Variants in CLN3 observed in about 807,000 individuals in gnomAD.
CLN3 encodes battenin.
Under a neutral mutation model 60.7 loss-of-function variants are expected in CLN3, and 49 were observed. The observed-to-expected ratio is 0.81, with a 90% CI of 0.64 to 1.02. The LOEUF (loss-of-function observed/expected upper bound fraction) is 1.02, where lower values mean the gene tolerates loss of function less well. Among genes scored for constraint, CLN3 ranks in the 50% least tolerant of loss-of-function variants. CLN3 has a pLI of 0.00. For missense variants in CLN3, 516 were observed against 557.4 expected (o/e 0.93, Z 0.75); for synonymous variants, 256 against 245.8 (o/e 1.04, Z -0.39).
chr16:28,484,499 C>T (rs2046170841), intron 9 of CLN3: 2 of 248,698 alleles, frequency 8.0e-6, no homozygotes, highest in Admixed American at 1.0e-4. Context: ...CAGGCACGTG[C>T]CACCAAGCCC....
intron 12 of CLN3, 34 bp from the exon 13 acceptor site, chr16:28,482,416 G>A: frequency 2.5e-6 from 4 of 1,613,742 alleles, no homozygotes; most frequent in Non-Finnish European, 2.5e-6. Context: ...AGATGGACGG[G>A]GCTGTGTGGG....
Position 28,488,647 on chromosome 16 carries a change from T to A in CLN3, c.238A>T (p.Thr80Ser), listed in dbSNP as rs150348015. ...GATGAGCTGTTGTGGGGGATCGGCG[T>A]TGGGCCTGGGTCCACCTAATGGGAG... is the stretch of plus-strand genomic sequence containing the variant. Reference protein sequence around the residue: ...GNQSHVDPGPTPIPHNSSSRF... With the variant: ...GNQSHVDPGPSPIPHNSSSRF... The change falls in exon 5 of 16, where the codon ACG (threonine) becomes TCG (serine). Residue 80 changes from threonine (T) to serine (S), a missense_variant. Transcript: ENST00000636147. The A allele has an allele frequency of 1.3e-4, 215 of 1,614,140 alleles. No homozygotes were observed. The African/African-American group carries it at 2.5e-3, about 19-fold the overall frequency.
rs532377265 is a variant in CLN3 at position 28,491,701 on chromosome 16, C to A, written c.46+13G>T. 3.7e-6 allele frequency: 6 copies of A among 1,613,930 alleles called. No individual in the cohort carries two copies. In the South Asian group the frequency reaches 6.6e-5, roughly 18 times the overall value. ...GAGGTGGTCGTTCCATGAGGGTGGG[C>A]GGGAATACTCACCCTCGGAATCCGA... On this transcript the variant is annotated intron_variant, in intron 2 of 15. Transcript: ENST00000636147.
At chr16:28,471,738 CA>C (rs1329248043), downstream of CLN3, among the ~76,000 whole-genome samples, 2 of 136,378 alleles carry the variant, frequency 1.5e-5, no homozygotes. Flanking sequence ...CCCACCTAGA[CA>C]ATTTAACATC....
chr16:28,488,139 C>G (rs922198300), intron 5 of CLN3: 6 of 206,424 alleles, frequency 2.9e-5, no homozygotes, highest in Non-Finnish European at 6.0e-5. Flanking sequence ...CTCCTGGGTT[C>G]AAGTGATTCT....
At chr16:28,473,593 C>A (rs1056706296), downstream of CLN3, among the ~76,000 whole-genome samples, 4 of 152,084 alleles carry the variant, frequency 2.6e-5, no homozygotes, top group African/African-American at 9.7e-5. Flanking sequence ...TGGACTTCAT[C>A]AAAATAAGTG....
At chr16:28,488,543 A>G (rs778887537) in intron 5 of CLN3, 48 bp downstream of exon 5, 10 of 1,569,570 alleles carry the variant, frequency 6.4e-6, no homozygotes, top group Admixed American at 1.7e-5. Context: ...GGGTCTATAG[A>G]CCCAGGGGCC....
At chr16:28,487,615 C>G in intron 6 of CLN3, 47 bp downstream of exon 6, 1 of 1,601,382 alleles carries the variant, frequency 6.2e-7, no homozygotes, top group South Asian at 1.1e-5. Context: ...CCAGCCTCCC[C>G]TTTCTCAGCT....
intron 11 of CLN3, 29 bp from the exon 12 acceptor site, chr16:28,482,574 G>A: frequency 6.2e-7 from 1 of 1,614,064 alleles, no homozygotes; most frequent in South Asian, 1.1e-5. Flanking sequence ...ATAAGCGGGG[G>A]GCCTGGAGGT....
At chr16:28,489,410 A>C in intron 3 of CLN3, 24 bp from the exon 4 acceptor site, 24 of 1,535,170 alleles carry the variant, frequency 1.6e-5, no homozygotes, top group Non-Finnish European at 2.0e-5. Flanking sequence ...GACAGGTCTC[A>C]ACTCCCTCCT....
intron 4 of CLN3, among the ~76,000 whole-genome samples, 169 bp downstream of exon 4, chr16:28,489,121 C>T (rs892408486): frequency 2.6e-5 from 4 of 152,096 alleles, no homozygotes; most frequent in Non-Finnish European, 5.9e-5. Flanking sequence ...AGGCTGGTCT[C>T]GAACTCCTGA....
chr16:28,489,988 C>T (rs900123486), intron 3 of CLN3, among the ~76,000 whole-genome samples: 1 of 147,568 alleles, frequency 6.8e-6, no homozygotes, highest in Non-Finnish European at 1.5e-5. Flanking sequence ...ACCCGAAAGG[C>T]GGAGGTTGCA....
At chr16:28,478,617 T>TAAAAAAAAAAAAAAAAAA (rs766238150) in intron 14 of CLN3, among the ~76,000 whole-genome samples, 9 of 74,352 alleles carry the variant, frequency 1.2e-4, no homozygotes, top group African/African-American at 6.9e-4. Flanking sequence ...TCCTGTCTCA[T>TAAAAAAAAAAAAAAAAAA]AAAAAAAAAA....
At chr16:28,490,792 G>A (rs2046302427) in intron 3 of CLN3, among the ~76,000 whole-genome samples, 2 of 149,538 alleles carry the variant, frequency 1.3e-5, no homozygotes, top group Admixed American at 6.7e-5. Flanking sequence ...GTTCAGGCCC[G>A]GCATGGTGGC....
At chr16:28,489,905 A>G (rs551754287) in intron 3 of CLN3, among the ~76,000 whole-genome samples, 1 of 152,150 alleles carries the variant, frequency 6.6e-6, no homozygotes, top group Non-Finnish European at 1.5e-5. Context: ...AAAAAATACA[A>G]AATTAGCTGG....
chr16:28,482,214 G>A lies in CLN3; in HGVS notation c.963-16C>T, dbSNP rs200023908. On this transcript the variant is annotated splice_polypyrimidine_tract_variant and intron_variant, in intron 13 of 15. Coordinates refer to ENST00000636147, the MANE Select transcript of CLN3 (RefSeq NM_001042432.2). ...CATCTGGTACCTGAGGTTAGGGTTGGGGGGAGGAGAGGAGGCTCCTCCAGG... is the reference window on the plus strand; with the variant it reads ...CATCTGGTACCTGAGGTTAGGGTTGAGGGGAGGAGAGGAGGCTCCTCCAGG... 23 of 1,609,478 alleles carry A rather than the reference G, an allele frequency of 1.4e-5. No individual in the cohort carries two copies. Among genetic ancestry groups the A allele is most frequent in the East Asian group, 4.5e-5 (2 of 44,750 alleles).
At chr16:28,478,267 T>C (rs1012314589) in intron 14 of CLN3, among the ~76,000 whole-genome samples, 1 of 146,834 alleles carries the variant, frequency 6.8e-6, no homozygotes, top group African/African-American at 2.5e-5. Flanking sequence ...ATCGCAGCAC[T>C]GCACTCCAGC....
chr16:28,490,759 CAAAA>C (rs772260404), intron 3 of CLN3, among the ~76,000 whole-genome samples: 3 of 55,106 alleles, frequency 5.4e-5, no homozygotes, highest in Non-Finnish European at 7.2e-5. Context: ...GACTCCGTCT[CAAAA>C]AAAAAAAAAA....
chr16:28,477,399 G>A lies in CLN3; in HGVS notation c.*117C>T. On this transcript the variant is annotated 3_prime_UTR_variant, in exon 16 of 16. Transcript: ENST00000636147. ...AGGCTTCAGCCCTTCCCTACTCCCA[G>A]ACCTGCCGGGAAGGCTGGGAGCACA... is the stretch of plus-strand genomic sequence containing the variant. 7.0e-7 allele frequency: 1 copy of A among 1,423,402 alleles called. No homozygotes were observed. Among genetic ancestry groups the A allele is most frequent in the South Asian group, 1.2e-5 (1 of 85,694 alleles). 88.2% of individuals were successfully genotyped at this position (1,423,402 alleles called of 1,614,324 possible). A position where few individuals can be genotyped will look rare whatever the true frequency, so the allele number is the denominator to read the frequency against.
Sources: gnomAD v4.1 joint callset for allele counts (sites outside exome capture counted in the v4.1 genomes callset) on GRCh38, gnomAD v4.1.1 for gene constraint, MANE v1.5 for transcripts, NCBI Gene and HGNC (gene_info 2026-07-23, HGNC 2026-07-21) for gene names.